The following ENTPD1 variants were observed in gnomAD, a reference collection of about 807,000 sequenced individuals.
ENTPD1 encodes the protein ATP diphosphohydrolase.
Under a neutral mutation model 57.0 loss-of-function variants are expected in ENTPD1, and 33 were observed. The ratio of observed to expected loss-of-function variants is 0.58; its 90% CI spans 0.44 to 0.77. The LOEUF is 0.77. Among genes scored for constraint, ENTPD1 ranks in the 30% least tolerant of loss-of-function variants. The probability of loss-of-function intolerance (pLI) is 0.00; values close to 1 mark genes in which losing one functional copy is unlikely to be tolerated. For missense variants in ENTPD1, 501 were observed against 603.4 expected (o/e 0.83, Z 1.78); for synonymous variants, 202 against 218.8 (o/e 0.92, Z 0.68).
intron 1 of ENTPD1, among the ~76,000 whole-genome samples, chr10:95,789,730 A>G: frequency 6.6e-6 from 1 of 152,244 alleles, no homozygotes; most frequent in Non-Finnish European, 1.5e-5. Context: ...AGCTTACACA[A>G]TTACAGACCA....
At chr10:95,846,026 CA>C (rs34997042) in intron 6 of ENTPD1, 9,927 of 202,052 alleles carry the variant, frequency 0.049, 403 homozygotes, top group East Asian at 0.11. Flanking sequence ...AAAAACACTT[CA>C]GGAGAAACAC....
rs1464892555 is a variant in ENTPD1 at position 95,872,095 on chromosome 10, C to A, written c.*5712C>A. 13 of 985,402 alleles carry A rather than the reference C, an allele frequency of 1.3e-5. No homozygotes were observed. In the African/African-American group the frequency reaches 1.7e-4, roughly 13 times the overall value. The allele number at this position is 985,402 out of a possible 1,614,324, so 61.0% of individuals were successfully genotyped here. A position where few individuals can be genotyped will look rare whatever the true frequency, so the allele number is the denominator to read the frequency against. The stretch of plus-strand genomic sequence containing the variant: ...TGTGCAATATTTTTCTTTTTTATTT[C>A]TCCTTCTAATATTACTGTTATTGCT... On this transcript the variant is annotated 3_prime_UTR_variant, in exon 10 of 10. Coordinates refer to ENST00000371205, the MANE Select transcript of ENTPD1 (RefSeq NM_001776.6).
chr10:95,709,897 C>G (rs1000457551), upstream of ENTPD1, among the ~76,000 whole-genome samples: 4 of 151,586 alleles, frequency 2.6e-5, no homozygotes, highest in Admixed American at 1.3e-4. Flanking sequence ...CCGGCCCCCC[C>G]CACCAGTAGC....
At chr10:95,832,934 A>G (rs1430753338) in intron 2 of ENTPD1, among the ~76,000 whole-genome samples, 4 of 152,240 alleles carry the variant, frequency 2.6e-5, no homozygotes, top group African/African-American at 9.6e-5. Flanking sequence ...GAAGGCCCTT[A>G]GCTATTAGTG....
At position 95,845,611 on chromosome 10, in the gene ENTPD1, A is replaced by G. The variant is rs1241128402; in HGVS notation, c.813+15A>G. 2.5e-6 allele frequency: 4 copies of G among 1,614,200 alleles called. No homozygotes were observed. The highest frequency in any genetic ancestry group is 3.4e-6 in the Non-Finnish European group (4 of 1,180,020). ...AGGACATTCAGGCAAGTATAACTCA[A>G]TCCAGACCTGCCCCCTTCACATCTG... On this transcript the variant is annotated intron_variant, in intron 6 of 9. Transcript: ENST00000371205.
At chr10:95,714,170 A>G (rs2097968916) in intron 1 of ENTPD1, among the ~76,000 whole-genome samples, 2 of 152,020 alleles carry the variant, frequency 1.3e-5, no homozygotes, top group South Asian at 4.1e-4. Context: ...AATTAGCTGG[A>G]TGTGGTGCCA....
upstream of ENTPD1, among the ~76,000 whole-genome samples, chr10:95,709,627 G>A (rs978981404): frequency 2.6e-5 from 4 of 151,980 alleles, no homozygotes; most frequent in African/African-American, 7.2e-5. Flanking sequence ...CAGGCAATCC[G>A]CCGGCCTTGG....
At chr10:95,833,481 A>G (rs879633530) in intron 2 of ENTPD1, 7 of 152,236 alleles carry the variant, frequency 4.6e-5, no homozygotes, top group Admixed American at 4.6e-4. Context: ...CTTTGTTTAT[A>G]AACCCAAGCT....
chr10:95,852,257 G>A (rs182057414), intron 7 of ENTPD1, among the ~76,000 whole-genome samples: 9 of 152,242 alleles, frequency 5.9e-5, no homozygotes, highest in African/African-American at 9.6e-5. Flanking sequence ...CAGGTCCTTC[G>A]CCCACTTTGT....
chr10:95,867,101 A>C lies in ENTPD1; in HGVS notation c.*718A>C. The C allele has an allele frequency of 1.0e-6, 1 of 986,616 alleles. No homozygotes were observed. Among genetic ancestry groups the C allele is most frequent in the Non-Finnish European group, 1.2e-6 (1 of 830,756 alleles). 61.1% of individuals were successfully genotyped at this position (986,616 alleles called of 1,614,324 possible). ...AAGCAGATGTAAATATATGCATTCA[A>C]ACATCAGGGCTTACTATGAGGTAGG... On this transcript the variant is annotated 3_prime_UTR_variant, in exon 10 of 10. Coordinates refer to ENST00000371205, the MANE Select transcript of ENTPD1 (RefSeq NM_001776.6).
chr10:95,734,971 A>G (rs2097993028), intron 1 of ENTPD1, among the ~76,000 whole-genome samples: 1 of 151,104 alleles, frequency 6.6e-6, no homozygotes, highest in Non-Finnish European at 1.5e-5. Flanking sequence ...GGTTACAGGC[A>G]TTTTCTACAT....
chr10:95,842,239 G>A, intron 3 of ENTPD1, 105 bp from the exon 4 acceptor site: 2 of 1,048,266 alleles, frequency 1.9e-6, no homozygotes, highest in Admixed American at 2.1e-5. Context: ...TCAGGAAATT[G>A]TTTTCTTGTA....
intron 1 of ENTPD1, among the ~76,000 whole-genome samples, chr10:95,724,257 A>G (rs2097981264): frequency 6.6e-6 from 1 of 152,024 alleles, no homozygotes; most frequent in African/African-American, 2.4e-5. Flanking sequence ...TAACTGGCCA[A>G]CAGGTGCCTG....
intron 1 of ENTPD1, among the ~76,000 whole-genome samples, chr10:95,812,647 T>A (rs553900309): frequency 5.9e-5 from 9 of 152,324 alleles, no homozygotes; most frequent in African/African-American, 9.6e-5. Context: ...TTATTTAACT[T>A]TATAAGAAAC....
chr10:95,731,780 C>CTTTTTTTTTTTTTT (rs2097989343), intron 1 of ENTPD1, among the ~76,000 whole-genome samples: 1 of 60,166 alleles, frequency 1.7e-5, no homozygotes, highest in Admixed American at 2.1e-4. Flanking sequence ...GAGTGGACAT[C>CTTTTTTTTTTTTTT]CTTTTTTTTT....
upstream of ENTPD1, among the ~76,000 whole-genome samples, chr10:95,710,439 T>C (rs925525423): frequency 6.6e-5 from 10 of 152,136 alleles, no homozygotes; most frequent in African/African-American, 2.2e-4. Context: ...ATGATTAAAA[T>C]AACTATGTAA....
intron 1 of ENTPD1, among the ~76,000 whole-genome samples, chr10:95,819,539 A>G (rs1363854335): frequency 6.6e-6 from 1 of 152,206 alleles, no homozygotes; most frequent in Non-Finnish European, 1.5e-5. Flanking sequence ...ATAAGAATCA[A>G]AAGAACCTTT....
chr10:95,777,545 C>T (rs910092575), intron 1 of ENTPD1, among the ~76,000 whole-genome samples: 10 of 152,172 alleles, frequency 6.6e-5, no homozygotes, highest in South Asian at 2.1e-4. Context: ...GAGGGGTGCC[C>T]GCCTGTATGA....
At chr10:95,694,607 GAA>G in the ENTPD1 span, among the ~76,000 whole-genome samples, 46 of 152,112 alleles carry the variant, frequency 3.0e-4, no homozygotes, top group African/African-American at 1.1e-3. Context: ...AATAGGGAGA[GAA>G]AGAATAAAAA....
Sources: allele counts gnomAD v4.1 joint callset (sites outside exome capture counted in the v4.1 genomes callset), GRCh38; gene constraint gnomAD v4.1.1; transcripts MANE v1.5; gene names NCBI Gene and HGNC (gene_info 2026-07-23, HGNC 2026-07-21).